NFASC: variants seen among roughly 807,000 people sequenced by gnomAD.
NFASC encodes neurofascin homolog.
Under a neutral mutation model 147.5 loss-of-function variants are expected in NFASC, and 43 were observed. The observed-to-expected ratio is 0.29, with a 90% confidence interval of 0.23 to 0.38. The LOEUF is 0.38. NFASC is among the 10% of genes least tolerant of loss of function. The pLI, the probability that NFASC is intolerant of heterozygous loss-of-function variation, is 1.00. For missense variants in NFASC, 1,320 were observed against 1,689.0 expected, an observed-to-expected ratio of 0.78 and a Z score of 3.83; for synonymous variants, 622 against 665.5, an observed-to-expected ratio of 0.93 and a Z score of 1.01.
At chr1:204,970,485 C>A in intron 10 of NFASC, 131 bp from the exon 11 acceptor site, 2 of 1,008,218 alleles carry the variant, frequency 2.0e-6, no homozygotes, top group Non-Finnish European at 3.0e-6. Flanking sequence ...TGAGGATGAG[C>A]CCTGGGGCAG....
At position 205,021,881 on chromosome 1, in the gene NFASC, ATTGGTGT is replaced by A. The variant is rs1327562036; in HGVS notation, c.*5346_*5352del. 6.5e-6 allele frequency: 1 copy of A among 152,688 alleles called. No individual in the cohort carries two copies. The highest frequency in any genetic ancestry group is 1.9e-4 in the East Asian group (1 of 5,194). The allele number at this position is 152,688 out of a possible 1,614,324, so 9.5% of individuals were successfully genotyped here. A position where few individuals can be genotyped will look rare whatever the true frequency, so the allele number is the denominator to read the frequency against. On this transcript the variant is annotated 3_prime_UTR_variant, in exon 30 of 30. Transcript: ENST00000339876. ...CTGGGCCAGTGGAATAGGATAGCTG[ATTGGTGT>A]TTGTTACTGTGAACCCTAGACCGTA... is the stretch of plus-strand genomic sequence containing the variant.
At chr1:204,837,100 T>A (rs973985467) in intron 1 of NFASC, among the ~76,000 whole-genome samples, 1 of 152,248 alleles carries the variant, frequency 6.6e-6, no homozygotes, top group African/African-American at 2.4e-5. Flanking sequence ...AAGCTAGTTC[T>A]GGCAAAACCC....
Position 205,009,624 on chromosome 1 carries a change from C to T in NFASC, c.3357C>T (p.Ala1119=). The T allele has an allele frequency of 1.2e-6, 2 of 1,614,174 alleles. No homozygotes were observed. The highest frequency in any genetic ancestry group is 1.7e-6 in the Non-Finnish European group (2 of 1,180,036). The change falls in exon 28 of 30, where the codon GCC becomes GCT. Residue 1119 remains alanine, a synonymous_variant. Transcript: ENST00000339876. ...TCATTGGGCTTATGTGCGCCATCGC[C>T]CTCCTGGTGCTGATCCTGCTCATCG... ...GWFIGLMCAI[A]LLVLILLIVC...
rs552055079 is a variant in NFASC, at chr1:204,891,083, T to A, written c.-199-29549T>A. Among the ~76,000 whole-genome samples the A allele has an allele frequency of 3.3e-5, 5 of 152,086 alleles. 1 individual carries two copies. The South Asian group carries it at 1.0e-3, about 32-fold the overall frequency. ...AGGTGCCTAAAGTCATACTTGAGAGTAGAATGTAAAGGTCTCTTCCCTGAT... is the reference window on the plus strand; with the variant it reads ...AGGTGCCTAAAGTCATACTTGAGAGAAGAATGTAAAGGTCTCTTCCCTGAT... On this transcript the variant is annotated intron_variant, in intron 1 of 29. Coordinates refer to ENST00000339876, the MANE Select transcript of NFASC (RefSeq NM_001005388.3).
chr1:204,905,384 A>G (rs957117052), intron 1 of NFASC, among the ~76,000 whole-genome samples: 1 of 149,796 alleles, frequency 6.7e-6, no homozygotes, highest in Admixed American at 6.6e-5. Context: ...TTTTTTTTTC[A>G]TAGTAGCCAT....
chr1:204,831,127 G>C (rs1279887541), intron 1 of NFASC, among the ~76,000 whole-genome samples: 1 of 152,210 alleles, frequency 6.6e-6, no homozygotes, highest in Non-Finnish European at 1.5e-5. Context: ...TTAAGGTCCT[G>C]ATGTTGAAAT....
At position 204,932,287 on chromosome 1, in the gene NFASC, A is replaced by G. The variant is rs148738610; in HGVS notation, c.-91+11547A>G. 2.2e-4 allele frequency among the ~76,000 whole-genome samples: 33 copies of G among 152,334 alleles called. 1 individual carries two copies. The East Asian group carries it at 6.4e-3, about 29-fold the overall frequency. The stretch of plus-strand genomic sequence containing the variant: ...TTAGTTCTTATAACAACCATCTGAA[A>G]AAGTCAGTAATGCAGTAATATTTAT... On this transcript the variant is annotated intron_variant, in intron 2 of 29. Transcript: ENST00000339876.
rs72753410 is a variant in NFASC at position 204,976,191 on chromosome 1, G to C, written c.1707-480G>C. On this transcript the variant is annotated intron_variant, in intron 15 of 29. Coordinates refer to ENST00000339876, the MANE Select transcript of NFASC (RefSeq NM_001005388.3). ...GCTGACAGCTCTACAGCCCCATTCT[G>C]CTCTGTGGCCTCCCCTCTCTATAGG... Among the ~76,000 whole-genome samples the C allele has an allele frequency of 5.6e-3, 831 of 149,576 alleles. 12 individuals carry two copies. The highest frequency in any genetic ancestry group is 0.01 in the South Asian group (50 of 4,806).
intron 1 of NFASC, among the ~76,000 whole-genome samples, chr1:204,864,601 T>C (rs924919244): frequency 6.6e-6 from 1 of 152,222 alleles, no homozygotes; most frequent in African/African-American, 2.4e-5. Context: ...ATCTCATTGT[T>C]TTGATTTGCA....
At chr1:204,901,825 C>T (rs2084674789) in intron 1 of NFASC, among the ~76,000 whole-genome samples, 1 of 151,982 alleles carries the variant, frequency 6.6e-6, no homozygotes, top group Non-Finnish European at 1.5e-5. Context: ...AGCATTGCCC[C>T]AGAGCACTGT....
intron 1 of NFASC, among the ~76,000 whole-genome samples, chr1:204,889,810 C>T (rs142620352): frequency 8.0e-4 from 122 of 152,322 alleles, no homozygotes; most frequent in African/African-American, 2.9e-3. Context: ...CGGCTGGGAG[C>T]TGTCATCAGG....
At chr1:204,944,733 C>T (rs1259079801) in intron 3 of NFASC, 1 of 312,912 alleles carries the variant, frequency 3.2e-6, no homozygotes, top group Non-Finnish European at 5.8e-6. Context: ...GCTCACCTCT[C>T]CAGGTCCTCT....
At chr1:204,894,162 T>C (rs192525160) in intron 1 of NFASC, among the ~76,000 whole-genome samples, 1 of 152,386 alleles carries the variant, frequency 6.6e-6, no homozygotes, top group Non-Finnish European at 1.5e-5. Context: ...GCCTCTGCTG[T>C]ATCTTTGGCA....
chr1:204,908,589 A>G (rs1251433529), intron 1 of NFASC, among the ~76,000 whole-genome samples: 1 of 152,144 alleles, frequency 6.6e-6, no homozygotes, highest in Non-Finnish European at 1.5e-5. Context: ...CCCAATAGTA[A>G]CATTTTGCAA....
chr1:204,941,544 G>A (rs545483599), intron 2 of NFASC, among the ~76,000 whole-genome samples: 4 of 152,260 alleles, frequency 2.6e-5, no homozygotes, highest in South Asian at 2.1e-4. Flanking sequence ...CGTGGAGCCC[G>A]GATGGGAGCC....
intron 1 of NFASC, among the ~76,000 whole-genome samples, chr1:204,849,444 A>G (rs2075470253): frequency 6.6e-6 from 1 of 152,124 alleles, no homozygotes; most frequent in Non-Finnish European, 1.5e-5. Context: ...TTGTTAGAAC[A>G]TGGATTGCTG....
At chr1:204,928,496 A>G (rs928297447) in intron 2 of NFASC, among the ~76,000 whole-genome samples, 7 of 152,204 alleles carry the variant, frequency 4.6e-5, no homozygotes, top group Admixed American at 2.6e-4. Flanking sequence ...CCAGGCTGCA[A>G]TGTGCCAAGC....
rs1188787656 is a variant in NFASC at position 205,020,199 on chromosome 1, A to G, written c.*3660A>G. 1 of 152,302 alleles carries G rather than the reference A, an allele frequency of 6.6e-6. No homozygotes were observed. Among genetic ancestry groups the G allele is most frequent in the Non-Finnish European group, 1.5e-5 (1 of 68,076 alleles). The allele number at this position is 152,302 out of a possible 1,614,324, so 9.4% of individuals were successfully genotyped here. The stretch of plus-strand genomic sequence containing the variant: ...CAGTGCCAACATTGCTTGCCCTGCA[A>G]GGTGCAACTGAGCCCACATAGCGCA... On this transcript the variant is annotated 3_prime_UTR_variant, in exon 30 of 30. Transcript: ENST00000339876.
rs376460751 is a variant in NFASC, at chr1:204,997,211, G to A, written c.2824G>A (p.Ala942Thr). The A allele has an allele frequency of 5.7e-5, 92 of 1,613,770 alleles. No individual in the cohort carries two copies. The highest frequency in any genetic ancestry group is 2.8e-4 in the African/African-American group (21 of 74,996). Residue 942 changes from alanine (A) to threonine (T), a missense_variant, in exon 25 of 30, where the codon GCT (alanine) becomes ACT (threonine). Coordinates refer to ENST00000339876, the MANE Select transcript of NFASC (RefSeq NM_001005388.3). Reference protein sequence around the residue: ...LPPTTVGATGAVSSTDATAIA... With the variant: ...LPPTTVGATGTVSSTDATAIA... ...CCCGACTACCGTGGGTGCGACGGGC[G>A]CTGTGAGCAGTACCGATGCTACTGC...
Sources: allele counts gnomAD v4.1 joint callset (sites outside exome capture counted in the v4.1 genomes callset), GRCh38; gene constraint gnomAD v4.1.1; transcripts MANE v1.5; gene names NCBI Gene and HGNC (gene_info 2026-07-23, HGNC 2026-07-21).